Variants in GANC observed in about 807,000 individuals in gnomAD.
GANC encodes the protein neutral alpha-glucosidase C.
GANC carries 117 observed loss-of-function variants against 124.2 expected under a neutral mutation model. The observed-to-expected ratio is 0.94, with a 90% CI of 0.81 to 1.10. GANC has a LOEUF of 1.10. GANC is among the 50% of genes least tolerant of loss of function. GANC has a pLI of 0.00. For missense variants in GANC, 1,140 were observed against 1,095.0 expected, an observed-to-expected ratio of 1.04 and a Z score of -0.58; for synonymous variants, 377 against 376.8, an observed-to-expected ratio of 1.00 and a Z score of -0.01.
intron 10 of GANC, among the ~76,000 whole-genome samples, chr15:42,313,382 CAT>C (rs1486503908): frequency 6.6e-6 from 1 of 152,166 alleles, no homozygotes; most frequent in African/African-American, 2.4e-5. Context: ...ACAAGAAACA[CAT>C]GTTAGAATTC....
intron 10 of GANC, among the ~76,000 whole-genome samples, chr15:42,313,317 A>G (rs1447496122): frequency 1.3e-5 from 2 of 152,228 alleles, no homozygotes; most frequent in Non-Finnish European, 2.9e-5. Flanking sequence ...ATCTTCATGA[A>G]CTTGGATTTG....
intron 15 of GANC, among the ~76,000 whole-genome samples, chr15:42,333,488 C>T (rs1262469667): frequency 1.3e-5 from 2 of 152,098 alleles, no homozygotes; most frequent in African/African-American, 4.8e-5. Flanking sequence ...CCTTTTATGG[C>T]TGTCTTTGGT....
At chr15:42,321,744 T>C (rs1196571440) in intron 10 of GANC, 41 bp from the exon 11 acceptor site, 5 of 1,520,996 alleles carry the variant, frequency 3.3e-6, no homozygotes, top group South Asian at 1.1e-5. Flanking sequence ...ATAATGGTCA[T>C]TGCCATGGCA....
At chr15:42,329,239 C>T in intron 13 of GANC, 67 bp from the exon 14 acceptor site, 1 of 1,461,294 alleles carries the variant, frequency 6.8e-7, no homozygotes, top group African/African-American at 1.4e-5. Flanking sequence ...AATGAGGTAG[C>T]AATGGTGACA....
At chr15:42,333,900 A>G (rs569434388) in intron 15 of GANC, among the ~76,000 whole-genome samples, 1 of 152,294 alleles carries the variant, frequency 6.6e-6, no homozygotes, top group Admixed American at 6.5e-5. Context: ...AAATAGGTAC[A>G]TAGATCAATT....
chr15:42,312,099 GA>G (rs1262983906), intron 10 of GANC, among the ~76,000 whole-genome samples: 6 of 152,182 alleles, frequency 3.9e-5, no homozygotes, highest in African/African-American at 1.4e-4. Flanking sequence ...CAGTAATATA[GA>G]AAGTGATTCA....
intron 20 of GANC, among the ~76,000 whole-genome samples, chr15:42,346,605 C>T (rs558578136): frequency 6.6e-6 from 1 of 152,142 alleles, no homozygotes; most frequent in Non-Finnish European, 1.5e-5. Context: ...GACAAACACA[C>T]CTCTTCCCCG....
chr15:42,292,509 G>A (rs2051849624), intron 4 of GANC, among the ~76,000 whole-genome samples: 2 of 152,108 alleles, frequency 1.3e-5, no homozygotes, highest in Admixed American at 6.5e-5. Context: ...ACCTAGAAAA[G>A]TTGGATAACT....
At chr15:42,348,830 T>G (rs1488174007) in intron 21 of GANC, among the ~76,000 whole-genome samples, 3 of 152,046 alleles carry the variant, frequency 2.0e-5, no homozygotes, top group African/African-American at 4.8e-5. Context: ...AGTTGTAGGG[T>G]TTTTTTTCCC....
At chr15:42,293,752 A>G (rs956930631) in intron 5 of GANC, among the ~76,000 whole-genome samples, 5 of 151,684 alleles carry the variant, frequency 3.3e-5, no homozygotes, top group Non-Finnish European at 7.3e-5. Flanking sequence ...CATGTTCTTT[A>G]TATGTAAAGC....
chr15:42,288,027 A>G (rs563400900), intron 4 of GANC, among the ~76,000 whole-genome samples: 1 of 152,234 alleles, frequency 6.6e-6, no homozygotes, highest in African/African-American at 2.4e-5. Flanking sequence ...CTTATTATCC[A>G]TTCTGTTTTT....
At chr15:42,295,579 A>G (rs1330082825) in intron 5 of GANC, among the ~76,000 whole-genome samples, 1 of 151,866 alleles carries the variant, frequency 6.6e-6, no homozygotes, top group Non-Finnish European at 1.5e-5. Context: ...GATTACTTAC[A>G]CATTTTAAGC....
chr15:42,307,667 C>T (rs186190459), intron 7 of GANC, among the ~76,000 whole-genome samples: 6 of 152,298 alleles, frequency 3.9e-5, no homozygotes, highest in Admixed American at 2.6e-4. Context: ...TTAAAGACTT[C>T]GTCTTTGGTT....
At chr15:42,313,021 T>C (rs2052068241) in intron 10 of GANC, among the ~76,000 whole-genome samples, 1 of 151,510 alleles carries the variant, frequency 6.6e-6, no homozygotes, top group South Asian at 2.1e-4. Flanking sequence ...AATCTAGAAG[T>C]AAACCCATAC....
intron 8 of GANC, among the ~76,000 whole-genome samples, chr15:42,309,647 G>A (rs1215518444): frequency 2.0e-5 from 3 of 151,882 alleles, no homozygotes; most frequent in Non-Finnish European, 4.4e-5. Context: ...CCGCAGAGAA[G>A]TACTCACAAA....
chr15:42,305,865 T>G (rs952629159), intron 6 of GANC, among the ~76,000 whole-genome samples: 4 of 151,964 alleles, frequency 2.6e-5, no homozygotes, highest in Non-Finnish European at 2.9e-5. Flanking sequence ...ACACCACATG[T>G]TCTCACTCAT....
chr15:42,273,639 T>C lies in GANC; in HGVS notation c.-843T>C, dbSNP rs1360939687. ...CAGCTGGGTTAGAGAGATCGCTACA[T>C]GCCAGCCTGGCCTGAGTCTTTTCTG... On this transcript the variant is annotated 5_prime_UTR_variant, in exon 1 of 24. An upstream start codon of the reference 5' UTR is lost. Transcript: ENST00000318010. 5.4e-5 allele frequency: 32 copies of C among 592,688 alleles called. No homozygotes were observed. The highest frequency in any genetic ancestry group is 2.6e-5 in the Non-Finnish European group (9 of 346,304). The allele number at this position is 592,688 out of a possible 1,614,324, so 36.7% of individuals were successfully genotyped here. A position where few individuals can be genotyped will look rare whatever the true frequency, so the allele number is the denominator to read the frequency against.
At chr15:42,293,426 C>A (rs373472736) in intron 5 of GANC, among the ~76,000 whole-genome samples, 5 of 152,126 alleles carry the variant, frequency 3.3e-5, no homozygotes, top group African/African-American at 1.2e-4. Flanking sequence ...GTCTATAGTT[C>A]TTTCTATTTT....
At chr15:42,349,729 C>A (rs1405893378) in intron 22 of GANC, among the ~76,000 whole-genome samples, 1 of 151,974 alleles carries the variant, frequency 6.6e-6, no homozygotes, top group East Asian at 1.9e-4. Flanking sequence ...CTCACTGCAA[C>A]CTCCACCTCC....
Sources: allele counts gnomAD v4.1 joint callset (sites outside exome capture counted in the v4.1 genomes callset), GRCh38; gene constraint gnomAD v4.1.1; transcripts MANE v1.5; gene names NCBI Gene and HGNC (gene_info 2026-07-23, HGNC 2026-07-21).